Variants in DLG2 observed in about 807,000 individuals in gnomAD.
DLG2 encodes the protein disks large homolog 2.
DLG2 carries 45 observed loss-of-function variants against 132.5 expected under a neutral mutation model. The observed-to-expected ratio is 0.34, with a 90% CI of 0.27 to 0.44. The LOEUF (loss-of-function observed/expected upper bound fraction) is 0.44. Ranked by LOEUF, DLG2 falls within the 20% of genes least tolerant of loss-of-function variation. The pLI, the probability that DLG2 is intolerant of heterozygous loss-of-function variation, is 1.00. For missense variants in DLG2, 1,045 were observed against 1,196.9 expected (o/e 0.87, Z 1.87); for synonymous variants, 424 against 419.6 (o/e 1.01, Z -0.13).
intron 3 of DLG2, among the ~76,000 whole-genome samples, chr11:85,332,421 C>A (rs1339002652): frequency 1.3e-5 from 2 of 151,454 alleles, no homozygotes; most frequent in Non-Finnish European, 3.0e-5. Flanking sequence ...AGGTTGTCTA[C>A]TCTCTATGGG....
chr11:84,795,129 C>T (rs964675333), intron 6 of DLG2, among the ~76,000 whole-genome samples: 2 of 152,336 alleles, frequency 1.3e-5, no homozygotes, highest in South Asian at 2.1e-4. Flanking sequence ...AATCAGCATG[C>T]ACTTCCTCCA....
intron 3 of DLG2, among the ~76,000 whole-genome samples, chr11:85,543,116 T>C (rs1211056951): frequency 6.6e-6 from 1 of 152,162 alleles, no homozygotes; most frequent in African/African-American, 2.4e-5. Context: ...TAGGCATTTC[T>C]ACTAATGCTA....
chr11:85,146,605 G>C (rs750318704), intron 5 of DLG2, among the ~76,000 whole-genome samples: 1 of 152,168 alleles, frequency 6.6e-6, no homozygotes, highest in Non-Finnish European at 1.5e-5. Context: ...CTGGTACCCA[G>C]GTTGCAAGAT....
intron 18 of DLG2, among the ~76,000 whole-genome samples, chr11:83,774,590 C>A (rs1023019382): frequency 2.0e-5 from 3 of 151,918 alleles, no homozygotes; most frequent in Non-Finnish European, 4.4e-5. Flanking sequence ...ATATTTCAGG[C>A]CCATCAGCAG....
chr11:84,869,166 C>G (rs947939687), intron 6 of DLG2, among the ~76,000 whole-genome samples: 1 of 152,146 alleles, frequency 6.6e-6, no homozygotes, highest in Non-Finnish European at 1.5e-5. Context: ...GCACATCATA[C>G]GGAATTGAAC....
At chr11:85,394,093 C>T (rs1454806823) in intron 3 of DLG2, among the ~76,000 whole-genome samples, 2 of 152,120 alleles carry the variant, frequency 1.3e-5, no homozygotes, top group Non-Finnish European at 2.9e-5. Flanking sequence ...AAAAAAGAAT[C>T]TATATATCAG....
intron 19 of DLG2, among the ~76,000 whole-genome samples, chr11:83,628,265 C>T (rs1279283790): frequency 1.3e-5 from 2 of 152,110 alleles, no homozygotes; most frequent in Non-Finnish European, 1.5e-5. Flanking sequence ...TTGCCACAAC[C>T]ACTTTATGGT....
At chr11:84,813,995 A>G (rs1281136881) in intron 6 of DLG2, among the ~76,000 whole-genome samples, 1 of 152,268 alleles carries the variant, frequency 6.6e-6, no homozygotes, top group African/African-American at 2.4e-5. Flanking sequence ...TTGTTTCTAC[A>G]CTATATTCCT....
intron 11 of DLG2, among the ~76,000 whole-genome samples, chr11:84,053,053 T>C (rs2096427695): frequency 1.3e-5 from 2 of 151,970 alleles, no homozygotes; most frequent in Non-Finnish European, 2.9e-5. Flanking sequence ...ATAAATGTGG[T>C]ATATATACAC....
intron 7 of DLG2, among the ~76,000 whole-genome samples, chr11:84,284,633 A>G (rs1431500055): frequency 6.6e-6 from 1 of 152,232 alleles, no homozygotes; most frequent in African/African-American, 2.4e-5. Flanking sequence ...ACTTCAGACC[A>G]GAGTCAAGCC....
At chr11:85,049,232 C>G (rs1046064598) in intron 6 of DLG2, among the ~76,000 whole-genome samples, 2 of 151,842 alleles carry the variant, frequency 1.3e-5, no homozygotes, top group Non-Finnish European at 2.9e-5. Flanking sequence ...TCTCGTGGTA[C>G]CAATTATATC....
At chr11:84,836,052 G>C (rs1280237129) in intron 6 of DLG2, among the ~76,000 whole-genome samples, 2 of 151,722 alleles carry the variant, frequency 1.3e-5, no homozygotes, top group Non-Finnish European at 2.9e-5. Flanking sequence ...CCACCTCTCA[G>C]TGTTTGCTTC....
At chr11:84,720,109 C>A (rs139204429) in intron 6 of DLG2, among the ~76,000 whole-genome samples, 1 of 152,224 alleles carries the variant, frequency 6.6e-6, no homozygotes, top group Non-Finnish European at 1.5e-5. Flanking sequence ...AGTTATGAGC[C>A]CAACATCGGA....
intron 3 of DLG2, among the ~76,000 whole-genome samples, chr11:85,287,900 T>C (rs956600329): frequency 6.6e-6 from 1 of 152,082 alleles, no homozygotes; most frequent in African/African-American, 2.4e-5. Flanking sequence ...TTTTGTAAAG[T>C]TGAAAAATGT....
intron 18 of DLG2, among the ~76,000 whole-genome samples, chr11:83,672,108 C>T (rs1309873923): frequency 6.6e-6 from 1 of 152,036 alleles, no homozygotes; most frequent in East Asian, 1.9e-4. Context: ...GTTGTAGAAA[C>T]ATTGAGGCCT....
At chr11:84,598,637 TATAACAG>T (rs1448441679) in intron 6 of DLG2, among the ~76,000 whole-genome samples, 3 of 152,100 alleles carry the variant, frequency 2.0e-5, no homozygotes, top group African/African-American at 7.2e-5. Flanking sequence ...GTTAAAATCA[TATAACAG>T]GCCAGGCACA....
intron 7 of DLG2, among the ~76,000 whole-genome samples, chr11:84,337,413 G>A (rs1473356295): frequency 6.6e-6 from 1 of 152,104 alleles, no homozygotes; most frequent in African/African-American, 2.4e-5. Flanking sequence ...CATAAGCAAA[G>A]AGAAAAATTA....
intron 6 of DLG2, among the ~76,000 whole-genome samples, chr11:85,066,474 C>T (rs1238839482): frequency 6.6e-6 from 1 of 151,594 alleles, no homozygotes; most frequent in Non-Finnish European, 1.5e-5. Flanking sequence ...ATGACAAAGA[C>T]AGGCAAGAAC....
At chr11:83,499,893 A>AAATC in intron 21 of DLG2, among the ~76,000 whole-genome samples, 1 of 114,734 alleles carries the variant, frequency 8.7e-6, no homozygotes, top group African/African-American at 3.5e-5. Context: ...ATATATATAT[A>AAATC]TATATCAGTT....
Sources: gnomAD v4.1 joint callset for allele counts (sites outside exome capture counted in the v4.1 genomes callset) on GRCh38, gnomAD v4.1.1 for gene constraint, MANE v1.5 for transcripts, NCBI Gene and HGNC (gene_info 2026-07-23, HGNC 2026-07-21) for gene names.